The following CSMD3 variants were observed in gnomAD, a reference collection of about 807,000 sequenced individuals.
CSMD3 encodes CUB and Sushi multiple domains 3.
In CSMD3, 177 loss-of-function variants were observed where a neutral mutation model predicts 435.2. The ratio of observed to expected loss-of-function variants is 0.41; its 90% CI spans 0.36 to 0.46. The LOEUF is 0.46. Among genes scored for constraint, CSMD3 ranks in the 20% least tolerant of loss-of-function variants. The probability of loss-of-function intolerance (pLI) is 0.34; values close to 1 mark genes in which losing one functional copy is unlikely to be tolerated. For missense variants in CSMD3, 4,265 were observed against 4,504.6 expected (o/e 0.95, Z 1.52); for synonymous variants, 1,656 against 1,520.5 (o/e 1.09, Z -2.07).
chr8:112,610,094 C>T (rs1833138397), intron 22 of CSMD3, among the ~76,000 whole-genome samples: 1 of 152,038 alleles, frequency 6.6e-6, no homozygotes, highest in Admixed American at 6.6e-5. Context: ...AGACCAGACA[C>T]ACAGCATGAT....
chr8:112,608,064 C>T (rs972712812), intron 22 of CSMD3, among the ~76,000 whole-genome samples: 3 of 152,004 alleles, frequency 2.0e-5, no homozygotes, highest in Non-Finnish European at 4.4e-5. Context: ...TCTAAAGACT[C>T]CACCAACAAA....
chr8:113,328,730 C>CTTTTTTTTTTTTT (rs1433804259), intron 1 of CSMD3, among the ~76,000 whole-genome samples: 6 of 64,024 alleles, frequency 9.4e-5, no homozygotes, highest in African/African-American at 3.9e-4. Context: ...TTCCTTCCTT[C>CTTTTTTTTTTTTT]TTTTCTTTTT....
At position 112,429,758 on chromosome 8, in the gene CSMD3, A is replaced by T. The variant is rs539275494; in HGVS notation, c.5396-20726T>A. ...CAATTGATAATTTAAAATGCTTATG[A>T]TTAAAATATTAAAAGCAACAAACTC... On this transcript the variant is annotated intron_variant, in intron 32 of 70. Transcript: ENST00000297405. Among the ~76,000 whole-genome samples the T allele has an allele frequency of 4.9e-4, 75 of 152,194 alleles. 1 individual carries two copies. Among genetic ancestry groups the T allele is most frequent in the Non-Finnish European group, 1.0e-3 (70 of 67,946 alleles).
intron 1 of CSMD3, among the ~76,000 whole-genome samples, chr8:113,432,414 C>A (rs2094679838): frequency 6.6e-6 from 1 of 152,234 alleles, no homozygotes; most frequent in Non-Finnish European, 1.5e-5. Flanking sequence ...TTCTGCAATG[C>A]GCAGCAATCC....
intron 15 of CSMD3, among the ~76,000 whole-genome samples, chr8:112,684,778 C>CT (rs1362597291): frequency 2.0e-5 from 3 of 152,050 alleles, no homozygotes; most frequent in Non-Finnish European, 4.4e-5. Flanking sequence ...GTTTATTAAG[C>CT]TTTTACTAAG....
chr8:112,578,754 A>C (rs1162825057), intron 23 of CSMD3, among the ~76,000 whole-genome samples: 1 of 152,076 alleles, frequency 6.6e-6, no homozygotes, highest in Non-Finnish European at 1.5e-5. Context: ...CATTTCTGTC[A>C]CAACTACTCA....
At chr8:112,784,323 A>G (rs1473055951) in intron 13 of CSMD3, among the ~76,000 whole-genome samples, 1 of 152,044 alleles carries the variant, frequency 6.6e-6, no homozygotes, top group Non-Finnish European at 1.5e-5. Flanking sequence ...CTCCTACATC[A>G]AAAGAGTAAA....
intron 3 of CSMD3, among the ~76,000 whole-genome samples, chr8:113,198,884 C>T (rs138658818): frequency 1.2e-3 from 184 of 151,026 alleles, no homozygotes; most frequent in African/African-American, 4.0e-3. Flanking sequence ...ACAGAGCCAA[C>T]GTTAGAGATA....
At chr8:112,969,551 C>A (rs1443586511) in intron 7 of CSMD3, among the ~76,000 whole-genome samples, 5 of 152,000 alleles carry the variant, frequency 3.3e-5, no homozygotes, top group African/African-American at 9.6e-5. Flanking sequence ...ATTGACTATA[C>A]TAGGTCAAAA....
intron 32 of CSMD3, among the ~76,000 whole-genome samples, chr8:112,437,774 G>C (rs576854639): frequency 6.6e-6 from 1 of 151,980 alleles, no homozygotes; most frequent in Non-Finnish European, 1.5e-5. Context: ...CACAAGTATG[G>C]TGAATTCAGT....
chr8:112,370,061 A>AAGAAGAAGAAGG (rs1211541488), intron 38 of CSMD3, among the ~76,000 whole-genome samples: 4 of 150,802 alleles, frequency 2.7e-5, no homozygotes, highest in East Asian at 4.0e-4. Flanking sequence ...GAAGAAGAAG[A>AAGAAGAAGAAGG]AGAAGAAGAA....
At chr8:113,425,535 T>C (rs756960451) in intron 1 of CSMD3, among the ~76,000 whole-genome samples, 1 of 151,318 alleles carries the variant, frequency 6.6e-6, no homozygotes, top group Non-Finnish European at 1.5e-5. Flanking sequence ...TGGCAATATA[T>C]AAAAAATAAG....
Position 112,602,498 on chromosome 8 carries a change from G to A in CSMD3, c.3716-15263C>T, listed in dbSNP as rs535853642. On this transcript the variant is annotated intron_variant, in intron 22 of 70. Transcript: ENST00000297405. ...GGAGAGTCATTTAAACCCAGGAGGCGGAGGTTGCCGTGAGCCAAGATAGTG... is the reference window on the plus strand; with the variant it reads ...GGAGAGTCATTTAAACCCAGGAGGCAGAGGTTGCCGTGAGCCAAGATAGTG... Among the ~76,000 whole-genome samples the A allele has an allele frequency of 9.3e-4, 140 of 151,334 alleles. 1 individual carries two copies. Among genetic ancestry groups the A allele is most frequent in the Non-Finnish European group, 4.9e-4 (33 of 67,826 alleles).
At chr8:112,433,677 G>A (rs200052762) in intron 32 of CSMD3, among the ~76,000 whole-genome samples, 55,801 of 137,636 alleles carry the variant, frequency 0.41, 12,815 homozygotes, top group Middle Eastern at 0.57. Flanking sequence ...AAAAAAGAAA[G>A]AAAGAAAGAA....
chr8:112,323,198 T>G (rs1363944418), intron 45 of CSMD3, among the ~76,000 whole-genome samples: 2 of 152,074 alleles, frequency 1.3e-5, no homozygotes, highest in Non-Finnish European at 1.5e-5. Flanking sequence ...TGTTTCTCTT[T>G]TGACTTTTGA....
intron 12 of CSMD3, among the ~76,000 whole-genome samples, chr8:112,823,117 A>G (rs1251558995): frequency 6.6e-6 from 1 of 152,078 alleles, no homozygotes; most frequent in African/African-American, 2.4e-5. Flanking sequence ...TGTCTTTGCC[A>G]GGTTTTGGTA....
intron 20 of CSMD3, among the ~76,000 whole-genome samples, chr8:112,644,752 C>G (rs933087515): frequency 2.6e-4 from 40 of 152,028 alleles, no homozygotes; most frequent in African/African-American, 9.4e-4. Flanking sequence ...CATATCAGAG[C>G]ATCTCATATT....
chr8:112,941,926 G>T (rs2083463371), intron 9 of CSMD3, among the ~76,000 whole-genome samples: 2 of 151,236 alleles, frequency 1.3e-5, no homozygotes, highest in Non-Finnish European at 3.0e-5. Context: ...AAATTTTTTT[G>T]CAATGAATGA....
At chr8:113,307,194 A>G (rs2093828288) in intron 2 of CSMD3, among the ~76,000 whole-genome samples, 1 of 152,106 alleles carries the variant, frequency 6.6e-6, no homozygotes, top group African/African-American at 2.4e-5. Context: ...TTCTGGAAAA[A>G]ACTTAGTTTA....
Sources: gnomAD v4.1 joint callset for allele counts (sites outside exome capture counted in the v4.1 genomes callset) on GRCh38, gnomAD v4.1.1 for gene constraint, MANE v1.5 for transcripts, NCBI Gene and HGNC (gene_info 2026-07-23, HGNC 2026-07-21) for gene names.